The following CMYA5 variants were observed in gnomAD, a reference collection of about 807,000 sequenced individuals.
CMYA5 encodes the protein cardiomyopathy-associated protein 5.
CMYA5 carries 246 observed loss-of-function variants against 318.9 expected under a neutral mutation model. The observed-to-expected ratio is 0.77, with a 90% CI of 0.70 to 0.86. CMYA5 has a LOEUF of 0.86. Ranked by LOEUF, CMYA5 falls within the 40% of genes least tolerant of loss-of-function variation. The probability of loss-of-function intolerance (pLI) is 0.00; values close to 1 mark genes in which losing one functional copy is unlikely to be tolerated. For missense variants in CMYA5, 4,589 were observed against 4,678.2 expected, an observed-to-expected ratio of 0.98 and a Z score of 0.56; for synonymous variants, 1,641 against 1,729.5, an observed-to-expected ratio of 0.95 and a Z score of 1.27.
At chr5:79,790,310 C>A in intron 10 of CMYA5, among the ~76,000 whole-genome samples, 1 of 151,866 alleles carries the variant, frequency 6.6e-6, no homozygotes, top group East Asian at 1.9e-4. Flanking sequence ...TGCTCTGTTG[C>A]CCAGGCTGGA....
Position 79,758,860 on chromosome 5 carries a change from G to T in CMYA5, c.11218G>T (p.Val3740Phe), listed in dbSNP as rs760167401. 6.2e-7 allele frequency: 1 copy of T among 1,602,898 alleles called. No individual in the cohort carries two copies. The highest frequency in any genetic ancestry group is 8.5e-7 in the Non-Finnish European group (1 of 1,174,762). The change falls in exon 7 of 13, where the codon GTT becomes TTT. Residue 3740 changes from valine (V) to phenylalanine (F), a missense_variant. Coordinates refer to ENST00000446378, the MANE Select transcript of CMYA5 (RefSeq NM_153610.5). ...NKEDVIDSFQ[V>F]YCMEEPQDDQ... Reference sequence around the variant, plus strand: ...GGAAGATGTCATTGATTCATTTCAGGTTTACTGCATGGAGGAGCCACAAGA... The same window carrying T: ...GGAAGATGTCATTGATTCATTTCAGTTTTACTGCATGGAGGAGCCACAAGA...
intron 1 of CMYA5, among the ~76,000 whole-genome samples, chr5:79,727,794 C>T (rs1167878305): frequency 6.6e-6 from 1 of 152,020 alleles, no homozygotes. Flanking sequence ...CAGAGAAGAG[C>T]GCTACAGAGT....
At chr5:79,706,872 A>G (rs1181955754) in intron 1 of CMYA5, among the ~76,000 whole-genome samples, 1 of 152,172 alleles carries the variant, frequency 6.6e-6, no homozygotes, top group Non-Finnish European at 1.5e-5. Context: ...GGGTCTCCCT[A>G]CACTGAACAT....
In CMYA5 at chr5:79,734,463, G is replaced by A. The variant is rs981062629; in HGVS notation, c.5698G>A (p.Glu1900Lys). Reference protein sequence around the residue: ...KDENWMLGKPENVASQHEQRI... With the variant: ...KDENWMLGKPKNVASQHEQRI... ...TGAAAACTGGATGTTGGGAAAGCCAGAAAATGTGGCTAGTCAACACGAACA... is the reference window on the plus strand; with the variant it reads ...TGAAAACTGGATGTTGGGAAAGCCAAAAAATGTGGCTAGTCAACACGAACA... Residue 1900 changes from glutamate (E) to lysine (K), a missense_variant, in exon 2 of 13, where the codon GAA (glutamate) becomes AAA (lysine). By Grantham distance (56) the Glu-to-Lys change is moderately conservative (BLOSUM62 1). This residue lies in a region of CMYA5 where 26 missense variants were observed against 51.8 expected (regional missense o/e 0.50). Transcript: ENST00000446378. 3.7e-6 allele frequency: 6 copies of A among 1,613,556 alleles called. No homozygotes were observed. The highest frequency in any genetic ancestry group is 5.1e-6 in the Non-Finnish European group (6 of 1,179,782).
chr5:79,750,044 C>T (rs1267944564), intron 5 of CMYA5, among the ~76,000 whole-genome samples: 1 of 151,334 alleles, frequency 6.6e-6, no homozygotes, highest in African/African-American at 2.4e-5. Context: ...GGTGTGATAC[C>T]ATAAACCTTG....
Position 79,732,919 on chromosome 5 carries a change from G to C in CMYA5, c.4154G>C (p.Arg1385Pro). 1 of 1,613,670 alleles carries C rather than the reference G, an allele frequency of 6.2e-7. No individual in the cohort carries two copies. The highest frequency in any genetic ancestry group is 8.5e-7 in the Non-Finnish European group (1 of 1,179,786). ...TDSSLITPVD[R>P]PVLTKVGKGE... Reference sequence around the variant, plus strand: ...TCATCTCTTATCACTCCTGTAGATCGTCCAGTCTTAACAAAAGTAGGAAAG... The same window carrying C: ...TCATCTCTTATCACTCCTGTAGATCCTCCAGTCTTAACAAAAGTAGGAAAG... Residue 1385 changes from arginine to proline, a missense_variant, in exon 2 of 13, where the codon CGT becomes CCT. Physicochemically the swap from Arg to Pro is moderately radical, Grantham distance 103 (BLOSUM62 -2). This residue lies in a region of CMYA5 where 2,132 missense variants were observed against 2,131.3 expected (regional missense o/e 1.00). Transcript: ENST00000446378.
chr5:79,766,369 G>A (rs537738627), intron 9 of CMYA5, among the ~76,000 whole-genome samples: 3 of 152,308 alleles, frequency 2.0e-5, no homozygotes, highest in Middle Eastern at 3.4e-3. Context: ...CCAAATGCTG[G>A]GATTACAAGG....
chr5:79,774,164 C>T (rs567699007), intron 9 of CMYA5, among the ~76,000 whole-genome samples: 1 of 152,312 alleles, frequency 6.6e-6, no homozygotes, highest in African/African-American at 2.4e-5. Context: ...TTACATGACG[C>T]AGTGTCTGAA....
At chr5:79,791,704 ACT>A (rs1829182973) in intron 11 of CMYA5, among the ~76,000 whole-genome samples, 1 of 130,654 alleles carries the variant, frequency 7.7e-6, no homozygotes, top group Non-Finnish European at 1.6e-5. Flanking sequence ...TGGGAGTGAG[ACT>A]CTGTCTCAAA....
chr5:79,737,302 A>C lies in CMYA5; in HGVS notation c.8537A>C (p.His2846Pro), dbSNP rs1318479561. The C allele has an allele frequency of 6.2e-7, 1 of 1,613,764 alleles. No individual in the cohort carries two copies. The highest frequency in any genetic ancestry group is 2.2e-5 in the East Asian group (1 of 44,888). ...MPRSELTPER[H>P]TVHTIQTSKD... Reference sequence around the variant, plus strand: ...CGATCAGAATTGACTCCAGAAAGGCATACAGTTCATACTATTCAGACATCT... The same window carrying C: ...CGATCAGAATTGACTCCAGAAAGGCCTACAGTTCATACTATTCAGACATCT... Residue 2846 changes from histidine to proline, a missense_variant, in exon 2 of 13, where the codon CAT becomes CCT. Around this residue, in one of 3 missense-constraint regions of CMYA5, gnomAD observed 2,431 missense variants for 2,495.1 expected, o/e 0.97. Transcript: ENST00000446378.
At chr5:79,788,932 G>T in intron 9 of CMYA5, 39 bp from the exon 10 acceptor site, 1 of 1,584,188 alleles carries the variant, frequency 6.3e-7, no homozygotes. Flanking sequence ...TTAGCATGTG[G>T]CATTATGTTT....
intron 2 of CMYA5, among the ~76,000 whole-genome samples, chr5:79,741,060 T>G (rs1828199082): frequency 6.6e-6 from 1 of 152,176 alleles, no homozygotes; most frequent in Non-Finnish European, 1.5e-5. Context: ...ATTTTTTTTG[T>G]ACAGACAGGG....
chr5:79,790,856 TG>T, intron 10 of CMYA5, 113 bp from the exon 11 acceptor site: 1 of 669,910 alleles, frequency 1.5e-6, no homozygotes, highest in Non-Finnish European at 2.6e-6. Flanking sequence ...AGACACTTCG[TG>T]GGGGATTTTG....
Position 79,736,271 on chromosome 5 carries a change from T to G in CMYA5, c.7506T>G (p.Ser2502=). The change falls in exon 2 of 13, where the codon TCT becomes TCG. Residue 2502 remains serine, a synonymous_variant. Transcript: ENST00000446378. ...CACAAATTACACTTGGATCTAGATC[T>G]ACTGAACTGAAAGAATCAAAAGCCG... The part of the protein sequence containing the change: ...GKTQITLGSR[S]TELKESKADA... 1 of 1,613,380 alleles carries G rather than the reference T, an allele frequency of 6.2e-7. No individual in the cohort carries two copies. Among genetic ancestry groups the G allele is most frequent in the Non-Finnish European group, 8.5e-7 (1 of 1,179,700 alleles).
intron 1 of CMYA5, among the ~76,000 whole-genome samples, chr5:79,694,867 G>A (rs1428054776): frequency 6.6e-6 from 1 of 152,236 alleles, no homozygotes. Flanking sequence ...GGGGTTGACT[G>A]CTCAGGATGC....
At position 79,739,251 on chromosome 5, in the gene CMYA5, G is replaced by A; in HGVS notation, c.10486G>A (p.Val3496Ile). The A allele has an allele frequency of 6.2e-7, 1 of 1,612,614 alleles. No individual in the cohort carries two copies. Among genetic ancestry groups the A allele is most frequent in the Non-Finnish European group, 8.5e-7 (1 of 1,179,314 alleles). Residue 3496 changes from valine to isoleucine, a missense_variant, in exon 2 of 13, where the codon GTA (valine) becomes ATA (isoleucine). Physicochemically the swap from Val to Ile is conservative, Grantham distance 29. This residue lies in a region of CMYA5 where 2,431 missense variants were observed against 2,495.1 expected (regional missense o/e 0.97). Coordinates refer to ENST00000446378, the MANE Select transcript of CMYA5 (RefSeq NM_153610.5). ...AGAAGACCAATTATCATCTGAGGTAGTAACTGAAAAGGCACAAAAAGAGCT... is the reference window on the plus strand; with the variant it reads ...AGAAGACCAATTATCATCTGAGGTAATAACTGAAAAGGCACAAAAAGAGCT... ...KEEDQLSSEVVTEKAQKELKK... is the reference protein window; with the variant it reads ...KEEDQLSSEVITEKAQKELKK...
At chr5:79,690,171 C>G in intron 1 of CMYA5, 115 bp downstream of exon 1, 4 of 1,330,270 alleles carry the variant, frequency 3.0e-6, no homozygotes, top group Non-Finnish European at 3.9e-6. Flanking sequence ...TAGGCACTTT[C>G]TCTCTGGGTG....
intron 12 of CMYA5, among the ~76,000 whole-genome samples, chr5:79,797,227 A>C (rs1580812704): frequency 1.3e-5 from 2 of 152,324 alleles, no homozygotes; most frequent in East Asian, 3.9e-4. Context: ...ACTAGGAACC[A>C]CTGGAGTGAG....
chr5:79,795,333 C>T (rs1188622459), intron 12 of CMYA5, among the ~76,000 whole-genome samples: 1 of 152,174 alleles, frequency 6.6e-6, no homozygotes. Flanking sequence ...TCTACTTTTT[C>T]TGGTTTAATG....
Sources: gnomAD v4.1 joint callset for allele counts (sites outside exome capture counted in the v4.1 genomes callset) on GRCh38, gnomAD v4.1.1 for gene constraint, gnomAD v4.1.1 regional missense constraint, MANE v1.5 for transcripts, NCBI Gene and HGNC (gene_info 2026-07-23, HGNC 2026-07-21) for gene names.